The following DCBLD1 variants were observed in gnomAD, a reference collection of about 807,000 sequenced individuals.
The protein encoded by DCBLD1 is discoidin, CUB and LCCL domain containing 1.
A neutral mutation model predicts 71.5 loss-of-function variants in DCBLD1; 57 were observed. The ratio of observed to expected loss-of-function variants is 0.80; its 90% CI spans 0.64 to 0.99. DCBLD1 has a LOEUF of 0.99. Ranked by LOEUF, DCBLD1 falls within the 50% of genes least tolerant of loss-of-function variation. DCBLD1 has a pLI of 0.00. For synonymous variants in DCBLD1, 380 were observed against 363.8 expected (o/e 1.04, Z -0.51); for missense variants, 891 against 923.5 (o/e 0.96, Z 0.46).
intron 4 of DCBLD1, among the ~76,000 whole-genome samples, chr6:117,523,607 G>A (rs1583005625): frequency 6.6e-6 from 1 of 152,142 alleles, no homozygotes; most frequent in African/African-American, 2.4e-5. Context: ...TGGCTCTAGG[G>A]AATTGTTACC....
In DCBLD1 at chr6:117,548,772, T is replaced by C; in HGVS notation, c.*333T>C. ...TGTACAGAGTTGTATTTAACAATAA[T>C]AAAAGTAACTTAAGTTTGCTCTATC... is the stretch of plus-strand genomic sequence containing the variant. On this transcript the variant is annotated 3_prime_UTR_variant, in exon 15 of 15. Coordinates refer to ENST00000338728, the MANE Select transcript of DCBLD1 (RefSeq NM_001366458.2). 5 of 1,145,976 alleles carry C rather than the reference T, an allele frequency of 4.4e-6. No individual in the cohort carries two copies. Among genetic ancestry groups the C allele is most frequent in the South Asian group, 2.8e-5 (1 of 35,514 alleles). 71.0% of individuals were successfully genotyped at this position (1,145,976 alleles called of 1,614,324 possible).
chr6:117,521,728 A>G (rs1382182638), intron 4 of DCBLD1, 152 bp downstream of exon 4: 1 of 685,996 alleles, frequency 1.5e-6, no homozygotes. Flanking sequence ...GTTATATAGC[A>G]GGAAGTCAGC....
intron 1 of DCBLD1, among the ~76,000 whole-genome samples, chr6:117,494,171 T>C (rs1777391437): frequency 6.6e-6 from 1 of 152,202 alleles, no homozygotes; most frequent in African/African-American, 2.4e-5. Flanking sequence ...CCAATAACTT[T>C]TTGGCTCTCA....
At chr6:117,532,712 T>G (rs534107289) in intron 6 of DCBLD1, among the ~76,000 whole-genome samples, 1 of 152,320 alleles carries the variant, frequency 6.6e-6, no homozygotes, top group African/African-American at 2.4e-5. Flanking sequence ...TTTTACAGCT[T>G]CTATAAGTTA....
In DCBLD1 at chr6:117,538,735, T is replaced by C. The variant is rs370892335; in HGVS notation, c.876T>C (p.Leu292=). The part of the protein sequence containing the change: ...QVHWSPGQAR[L]QDQGPSWASG... ...ACTGGTCTCCTGGCCAAGCCCGACT[T>C]CAGGACCAAGGCCCATCATGGGCTT... Residue 292 remains leucine, a synonymous_variant, in exon 8 of 15, where the codon CTT becomes CTC. Transcript: ENST00000338728. 2.5e-5 allele frequency: 40 copies of C among 1,614,042 alleles called. No individual in the cohort carries two copies. The highest frequency in any genetic ancestry group is 3.1e-5 in the Non-Finnish European group (37 of 1,180,008).
At chr6:117,508,449 C>T (rs1488958548) in intron 2 of DCBLD1, among the ~76,000 whole-genome samples, 1 of 152,076 alleles carries the variant, frequency 6.6e-6, no homozygotes, top group Non-Finnish European at 1.5e-5. Flanking sequence ...CACTAATATA[C>T]ACAAATTTAA....
intron 9 of DCBLD1, chr6:117,540,129 A>G (rs922443499): frequency 1.2e-4 from 18 of 152,566 alleles, no homozygotes; most frequent in African/African-American, 4.3e-4. Flanking sequence ...AAATCCAAGA[A>G]TAAGAAATGT....
At chr6:117,568,940 A>G (rs1353906253) in intron 14 of DCBLD1, among the ~76,000 whole-genome samples, 3 of 152,224 alleles carry the variant, frequency 2.0e-5, no homozygotes, top group Non-Finnish European at 4.4e-5. Flanking sequence ...TGTACTACCA[A>G]TGCCTCTAAT....
Position 117,569,630 on chromosome 6 carries a change from T to C in DCBLD1, c.*6T>C, listed in dbSNP as rs763698127. The C allele has an allele frequency of 2.5e-6, 4 of 1,613,146 alleles. No homozygotes were observed. The African/African-American group carries it at 4.0e-5, about 16-fold the overall frequency. On this transcript the variant is annotated 3_prime_UTR_variant, in exon 15 of 15. Coordinates refer to the DCBLD1 transcript ENST00000296955. ...CTTTGTGTCCCTTAGGTTAACTCCGTTGACTGCCAAAATAGCATCCCCAAC... is the reference window on the plus strand; with the variant it reads ...CTTTGTGTCCCTTAGGTTAACTCCGCTGACTGCCAAAATAGCATCCCCAAC...
At chr6:117,512,575 T>C (rs1373220234) in intron 2 of DCBLD1, among the ~76,000 whole-genome samples, 3 of 152,148 alleles carry the variant, frequency 2.0e-5, no homozygotes, top group African/African-American at 4.8e-5. Flanking sequence ...TTCTGGAGAT[T>C]GTTTTATCAG....
chr6:117,542,795 G>A (rs1381851199), intron 11 of DCBLD1, among the ~76,000 whole-genome samples: 7 of 151,970 alleles, frequency 4.6e-5, no homozygotes, highest in Non-Finnish European at 1.0e-4. Flanking sequence ...CTCACCTGAG[G>A]GGTGGGGGAG....
chr6:117,528,068 T>G (rs1441104467), intron 5 of DCBLD1, among the ~76,000 whole-genome samples: 2 of 152,198 alleles, frequency 1.3e-5, no homozygotes, highest in Non-Finnish European at 2.9e-5. Context: ...CAAGAAGTAC[T>G]GTAAAATAGA....
chr6:117,500,939 A>G (rs1777636041), intron 1 of DCBLD1, among the ~76,000 whole-genome samples: 1 of 152,082 alleles, frequency 6.6e-6, no homozygotes, highest in Admixed American at 6.5e-5. Flanking sequence ...AGAATATGAT[A>G]GTCACATGTA....
At chr6:117,563,487 C>A (rs2114598211) in intron 14 of DCBLD1, 4 of 1,070,884 alleles carry the variant, frequency 3.7e-6, no homozygotes, top group East Asian at 4.8e-5. Flanking sequence ...TTTGAGAGGC[C>A]AAGGTGGGTG....
chr6:117,520,795 A>G (rs1778359737), intron 3 of DCBLD1, among the ~76,000 whole-genome samples: 1 of 152,122 alleles, frequency 6.6e-6, no homozygotes, highest in South Asian at 2.1e-4. Context: ...AAGCTCTGGG[A>G]GTGAGGTGCG....
At position 117,549,306 on chromosome 6, in the gene DCBLD1, C is replaced by T; in HGVS notation, c.*867C>T. 1.5e-5 allele frequency: 15 copies of T among 985,402 alleles called. No homozygotes were observed. The highest frequency in any genetic ancestry group is 1.8e-5 in the Non-Finnish European group (15 of 829,932). The allele number at this position is 985,402 out of a possible 1,614,324, so 61.0% of individuals were successfully genotyped here. ...AGCACATTTTCGTGACTTCCGCTGT[C>T]CTCTGAAAAACAAAGTTATTTGGAA... On this transcript the variant is annotated 3_prime_UTR_variant, in exon 15 of 15. Coordinates refer to ENST00000338728, the MANE Select transcript of DCBLD1 (RefSeq NM_001366458.2).
Position 117,525,547 on chromosome 6 carries a change from A to G in DCBLD1, c.585+113A>G, listed in dbSNP as rs186209455. 411 of 704,974 alleles carry G rather than the reference A, an allele frequency of 5.8e-4. 2 individuals are homozygous for G. In the African/African-American group the frequency reaches 6.5e-3, roughly 11 times the overall value. 43.7% of individuals were successfully genotyped at this position (704,974 alleles called of 1,614,324 possible). A position where few individuals can be genotyped will look rare whatever the true frequency, so the allele number is the denominator to read the frequency against. ...GAGATATAAAACTCTAGATAGATGC[A>G]TGAGTCTCTCTCCTCTGAGAATAAA... On this transcript the variant is annotated intron_variant, in intron 5 of 14. Coordinates refer to ENST00000338728, the MANE Select transcript of DCBLD1 (RefSeq NM_001366458.2).
rs1488766931 is a variant in DCBLD1, at chr6:117,525,134, A to G, written c.513-228A>G. 2.6e-5 allele frequency among the ~76,000 whole-genome samples: 4 copies of G among 152,134 alleles called. No individual in the cohort carries two copies. The East Asian group carries it at 7.7e-4, about 29-fold the overall frequency. On this transcript the variant is annotated intron_variant, in intron 4 of 14. Transcript: ENST00000338728. ...GTGCATTAGGGAAGCTCATTGTTTA[A>G]TAGACTTTATGGTGAATCCTTATAT...
intron 5 of DCBLD1, among the ~76,000 whole-genome samples, chr6:117,529,606 T>G (rs747235321): frequency 1.1e-4 from 16 of 152,214 alleles, no homozygotes; most frequent in Non-Finnish European, 2.2e-4. Flanking sequence ...TAAATGTGAA[T>G]TTTAAAAATC....
Sources: allele counts gnomAD v4.1 joint callset (sites outside exome capture counted in the v4.1 genomes callset), GRCh38; gene constraint gnomAD v4.1.1; transcripts MANE v1.5; gene names NCBI Gene and HGNC (gene_info 2026-07-23, HGNC 2026-07-21).